TSC2: variants seen among roughly 807,000 people sequenced by gnomAD.
TSC2 encodes TSC complex subunit 2, also known as tuberin.
TSC2 carries 29 observed loss-of-function variants against 202.2 expected under a neutral mutation model. The observed-to-expected ratio is 0.14, with a 90% CI of 0.11 to 0.20. The LOEUF (loss-of-function observed/expected upper bound fraction) is 0.20, where lower values mean the gene tolerates loss of function less well. Among genes scored for constraint, TSC2 ranks in the 10% least tolerant of loss-of-function variants. TSC2 has a pLI of 1.00. For synonymous variants in TSC2, 1,349 were observed against 1,044.0 expected (o/e 1.29, Z -5.63); for missense variants, 2,429 against 2,420.0 (o/e 1.00, Z -0.08).
In TSC2 at chr16:2,076,594, T is replaced by G. The variant is rs912479360; in HGVS notation, c.2837+9T>G. ...AACGAGAGACCCAAGAGGTACGGCC[T>G]GCGGGGGTGTGCCTGGAGTCGGTGT... On this transcript the variant is annotated intron_variant, in intron 25 of 41. Transcript: ENST00000219476. 6.2e-7 allele frequency: 1 copy of G among 1,612,546 alleles called. No homozygotes were observed. Among genetic ancestry groups the G allele is most frequent in the Non-Finnish European group, 8.5e-7 (1 of 1,179,800 alleles).
At chr16:2,052,085 C>T (rs1270212254) in intron 3 of TSC2, among the ~76,000 whole-genome samples, 3 of 151,984 alleles carry the variant, frequency 2.0e-5, no homozygotes, top group Non-Finnish European at 2.9e-5. Context: ...AAAGAACAAG[C>T]GTCCTGCATC....
intron 2 of TSC2, among the ~76,000 whole-genome samples, 200 bp downstream of exon 2, chr16:2,048,953 T>C (rs745535683): frequency 6.6e-6 from 1 of 152,178 alleles, no homozygotes; most frequent in Non-Finnish European, 1.5e-5. Context: ...TCAGGCACAC[T>C]TGAGTTACTA....
Position 2,050,418 on chromosome 16 carries a change from G to A in TSC2, c.157G>A (p.Gly53Ser), listed in dbSNP as rs2150995382. Residue 53 changes from glycine (G) to serine (S), a missense_variant, in exon 3 of 42, where the codon GGC (glycine) becomes AGC (serine). Physicochemically the swap from Gly to Ser is moderately conservative, Grantham distance 56. Transcript: ENST00000219476. Reference sequence around the variant, plus strand: ...TCTCCAGGAACTGAGCATGGAATGTGGCCTCAACAATCGCATCCGGATGAT... The same window carrying A: ...TCTCCAGGAACTGAGCATGGAATGTAGCCTCAACAATCGCATCCGGATGAT... The part of the protein sequence containing the change: ...EILRELSMEC[G>S]LNNRIRMIGQ... The A allele has an allele frequency of 6.2e-7, 1 of 1,613,812 alleles. No homozygotes were observed. The highest frequency in any genetic ancestry group is 1.3e-5 in the African/African-American group (1 of 74,982).
chr16:2,077,613 AC>A lies in TSC2; in HGVS notation c.2859del (p.Lys954AsnfsTer4), dbSNP rs796053504. 2.5e-6 allele frequency: 4 copies of A among 1,612,790 alleles called. No homozygotes were observed. The highest frequency in any genetic ancestry group is 3.4e-6 in the Non-Finnish European group (4 of 1,179,942). On this transcript the variant is annotated frameshift_variant, in exon 26 of 42. Coordinates refer to ENST00000219476, the MANE Select transcript of TSC2 (RefSeq NM_000548.5). LOFTEE classifies it high-confidence loss of function. ...CACCCGATAGTCTGAGGATAGCCAG[AC>A]CCCCCAAACAAGGCTTGAATAACTC... Reference protein sequence around the residue: ...ERPKSLRIARPPKQGLNNSPP... With the variant: ...ERPKSLRIARXPKQGLNNSPP...
rs45517320 is a variant in TSC2 at position 2,083,725 on chromosome 16, C to T, written c.3914C>T (p.Pro1305Leu). Residue 1305 changes from proline (P) to leucine (L), a missense_variant, in exon 33 of 42, where the codon CCG becomes CTG. Pro to Leu is a moderately conservative substitution (Grantham distance 98, BLOSUM62 -3). Transcript: ENST00000219476. ...DSAVVMEEGSPGEVPVLVEPP... is the reference protein window; with the variant it reads ...DSAVVMEEGSLGEVPVLVEPP... ...GCCGTGGTCATGGAGGAGGGAAGTC[C>T]GGGCGAGGTTCCTGTGCTGGTGGAG... The T allele has an allele frequency of 1.3e-3, 2,101 of 1,597,668 alleles. 30 individuals carry two copies. In the African/African-American group the frequency reaches 0.023, roughly 18 times the overall value.
At chr16:2,087,138 G>A in intron 38 of TSC2, 1 of 547,006 alleles carries the variant, frequency 1.8e-6, no homozygotes, top group African/African-American at 1.9e-5. Context: ...AGTGTAGTTG[G>A]TGCTTCCTGT....
At chr16:2,048,939 T>C (rs1163660058) in intron 2 of TSC2, among the ~76,000 whole-genome samples, 186 bp downstream of exon 2, 1 of 152,188 alleles carries the variant, frequency 6.6e-6, no homozygotes, top group East Asian at 1.9e-4. Context: ...CTTGGTGACC[T>C]GGTTCAGGCA....
chr16:2,072,566 CAG>C, intron 20 of TSC2: 1 of 851,806 alleles, frequency 1.2e-6, no homozygotes, highest in Non-Finnish European at 1.8e-6. Flanking sequence ...GGACTGACGT[CAG>C]AGGTCCCCAG....
At chr16:2,086,961 C>G in intron 38 of TSC2, 90 bp downstream of exon 38, 1 of 1,532,176 alleles carries the variant, frequency 6.5e-7, no homozygotes. Context: ...CCCTGAGCTT[C>G]GGTCACGAGG....
intron 8 of TSC2, 150 bp from the exon 9 acceptor site, chr16:2,056,955 C>T (rs1321388208): frequency 2.2e-6 from 3 of 1,362,168 alleles, no homozygotes; most frequent in African/African-American, 2.9e-5. Context: ...TTTTGAGAAC[C>T]CTGCTGCCTC....
At position 2,054,562 on chromosome 16, in the gene TSC2, C is replaced by T; in HGVS notation, c.481+122C>T. On this transcript the variant is annotated intron_variant, in intron 5 of 41. Coordinates refer to ENST00000219476, the MANE Select transcript of TSC2 (RefSeq NM_000548.5). ...AGGGATGGCCTGCAGCGGGTATGCC[C>T]ACCCTGCTTCATGCACCTGGGCTCA... is the stretch of plus-strand genomic sequence containing the variant. 4 of 1,426,906 alleles carry T rather than the reference C, an allele frequency of 2.8e-6. No homozygotes were observed. The South Asian group carries it at 4.6e-5, about 16-fold the overall frequency. 88.4% of individuals were successfully genotyped at this position (1,426,906 alleles called of 1,614,324 possible).
At chr16:2,049,286 A>G (rs371855682) in intron 2 of TSC2, among the ~76,000 whole-genome samples, 162 of 151,946 alleles carry the variant, frequency 1.1e-3, no homozygotes, top group African/African-American at 3.7e-3. Context: ...GAGTTTCACT[A>G]TCTTGGCCAG....
chr16:2,054,855 CT>C, intron 5 of TSC2: 1 of 343,126 alleles, frequency 2.9e-6, no homozygotes, highest in Non-Finnish European at 5.6e-6. Context: ...AGTCTTGGGT[CT>C]CTGTGTCATG....
intron 3 of TSC2, 47 bp from the exon 4 acceptor site, chr16:2,053,295 G>T (rs1289892450): frequency 6.5e-7 from 1 of 1,542,208 alleles, no homozygotes; most frequent in South Asian, 1.2e-5. Context: ...CGGGGCCAGG[G>T]TTCTTGGAGA....
Position 2,057,191 on chromosome 16 carries a change from G to A in TSC2, c.848+13G>A, listed in dbSNP as rs1402619251. ...TCATGGAGGACAGGTGAGTGTGGTG[G>A]GTGGGGCGCAGGGCAGTGGAGGCCA... On this transcript the variant is annotated intron_variant, in intron 9 of 41. Transcript: ENST00000219476. 1 of 1,551,640 alleles carries A rather than the reference G, an allele frequency of 6.4e-7. No homozygotes were observed. Among genetic ancestry groups the A allele is most frequent in the Non-Finnish European group, 8.7e-7 (1 of 1,146,980 alleles).
At chr16:2,061,604 A>G in intron 11 of TSC2, 2 of 533,512 alleles carry the variant, frequency 3.7e-6, no homozygotes, top group South Asian at 3.9e-5. Flanking sequence ...AGCAGCTGCC[A>G]TCACAGCCAC....
intron 9 of TSC2, 113 bp from the exon 10 acceptor site, chr16:2,058,634 C>G (rs1235287066): frequency 6.7e-6 from 10 of 1,491,782 alleles, no homozygotes; most frequent in Admixed American, 2.0e-5. Flanking sequence ...CTGCCCCCCC[C>G]AAGCACAGGG....
intron 13 of TSC2, 185 bp downstream of exon 13, chr16:2,062,785 G>T: frequency 1.1e-6 from 1 of 884,402 alleles, no homozygotes; most frequent in Non-Finnish European, 1.8e-6. Flanking sequence ...GTCCTCTCAT[G>T]ACGCCACTGG....
At chr16:2,057,042 C>T (rs1596280062) in intron 8 of TSC2, 63 bp from the exon 9 acceptor site, 13 of 1,542,776 alleles carry the variant, frequency 8.4e-6, no homozygotes, top group African/African-American at 5.5e-5. Context: ...GGGCCAGCAG[C>T]GGGACTGGGG....
Sources: gnomAD v4.1 joint callset for allele counts (sites outside exome capture counted in the v4.1 genomes callset) on GRCh38, gnomAD v4.1.1 for gene constraint, MANE v1.5 for transcripts, NCBI Gene and HGNC (gene_info 2026-07-23, HGNC 2026-07-21) for gene names.